The following POC5 variants were observed in gnomAD, a reference collection of about 807,000 sequenced individuals.
The protein encoded by POC5 is POC5 centriolar protein, also known as centrosomal protein POC5.
Under a neutral mutation model 62.9 loss-of-function variants are expected in POC5, and 48 were observed. The observed-to-expected ratio is 0.76, with a 90% CI of 0.61 to 0.97. POC5 has a LOEUF of 0.97. POC5 is among the 50% of genes least tolerant of loss of function. POC5 has a pLI of 0.00. For missense variants in POC5, 696 were observed against 679.5 expected (o/e 1.02, Z -0.27); for synonymous variants, 236 against 228.2 (o/e 1.03, Z -0.31).
Position 75,690,423 on chromosome 5 carries a change from C to G in POC5, c.935G>C (p.Cys312Ser). 6.2e-7 allele frequency: 1 copy of G among 1,612,086 alleles called. No homozygotes were observed. Among genetic ancestry groups the G allele is most frequent in the Non-Finnish European group, 8.5e-7 (1 of 1,179,168 alleles). Residue 312 changes from cysteine to serine, a missense_variant, in exon 8 of 12, where the codon TGT becomes TCT. Coordinates refer to ENST00000428202, the MANE Select transcript of POC5 (RefSeq NM_001099271.2). ...RACQARAEEV[C>S]IQISNDYEAK... ...TTCATAATCATTGGAAATCTGGATA[C>G]AAACTTCTTCAGCTCTTGCTTGACA...
At chr5:75,685,109 C>T (rs1431380016) in intron 10 of POC5, 98 bp downstream of exon 10, 1 of 1,283,836 alleles carries the variant, frequency 7.8e-7, no homozygotes, top group Non-Finnish European at 1.1e-6. Flanking sequence ...CCTCGTGATC[C>T]ACCTGCCTCG....
intron 9 of POC5, among the ~76,000 whole-genome samples, chr5:75,688,425 C>A (rs1776184183): frequency 6.6e-6 from 1 of 152,160 alleles, no homozygotes; most frequent in Non-Finnish European, 1.5e-5. Context: ...GCAAAGGATT[C>A]TAGTTATGGG....
At chr5:75,689,495 A>G (rs1263941386) in intron 8 of POC5, 1 of 983,438 alleles carries the variant, frequency 1.0e-6, no homozygotes, top group Non-Finnish European at 1.2e-6. Context: ...TAAACAAAAT[A>G]CATTAAGAGC....
rs146704304 is a variant in POC5, at chr5:75,713,636, A to T, written c.-14-685T>A. Among the ~76,000 whole-genome samples, 33 of 152,340 alleles carry T rather than the reference A, an allele frequency of 2.2e-4. No individual in the cohort carries two copies. The East Asian group carries it at 6.0e-3, about 28-fold the overall frequency. On this transcript the variant is annotated intron_variant, in intron 1 of 11. Coordinates refer to ENST00000428202, the MANE Select transcript of POC5 (RefSeq NM_001099271.2). Reference sequence around the variant, plus strand: ...GAATAAACTGCTGATAGGCCCTAAAATAACAGATACAAAGTAGAGAGATAG... The same window carrying T: ...GAATAAACTGCTGATAGGCCCTAAATTAACAGATACAAAGTAGAGAGATAG...
intron 5 of POC5, among the ~76,000 whole-genome samples, chr5:75,700,660 C>G (rs1222222337): frequency 1.3e-5 from 2 of 149,512 alleles, no homozygotes; most frequent in African/African-American, 4.9e-5. Context: ...CAGGCATGGG[C>G]AAGGACTTCA....
chr5:75,715,579 C>T (rs1777524217), intron 1 of POC5, among the ~76,000 whole-genome samples: 1 of 152,156 alleles, frequency 6.6e-6, no homozygotes, highest in Non-Finnish European at 1.5e-5. Flanking sequence ...AATCCAATCA[C>T]TTCCCTTCCC....
rs1776376618 is a variant in POC5 at position 75,692,415 on chromosome 5, T to C, written c.776A>G (p.His259Arg). ...MRTFFHWRIG[H>R]VRARQDVYEG... ...ACTTACATCCTGTCTGGCTCTGACATGGCCGATTCGCCAGTGGAAGAATGT... is the reference window on the plus strand; with the variant it reads ...ACTTACATCCTGTCTGGCTCTGACACGGCCGATTCGCCAGTGGAAGAATGT... Residue 259 changes from histidine to arginine, a missense_variant, in exon 7 of 12, where the codon CAT becomes CGT. Coordinates refer to ENST00000428202, the MANE Select transcript of POC5 (RefSeq NM_001099271.2). 1.9e-6 allele frequency: 3 copies of C among 1,593,882 alleles called. No homozygotes were observed. The highest frequency in any genetic ancestry group is 2.6e-6 in the Non-Finnish European group (3 of 1,169,584).
At chr5:75,699,123 G>A (rs963497499) in intron 5 of POC5, among the ~76,000 whole-genome samples, 1 of 152,184 alleles carries the variant, frequency 6.6e-6, no homozygotes, top group South Asian at 2.1e-4. Context: ...ATTCACAGCT[G>A]AATTCTACCA....
At chr5:75,712,486 T>C in intron 2 of POC5, 1 of 1,548,122 alleles carries the variant, frequency 6.5e-7, no homozygotes, top group Non-Finnish European at 8.9e-7. Context: ...TCTTGAGCTC[T>C]AGAACTTTGG....
Position 75,689,025 on chromosome 5 carries a change from G to T in POC5, c.1116C>A (p.Asn372Lys). The change falls in exon 9 of 12, where the codon AAC becomes AAA. Residue 372 changes from asparagine (N) to lysine (K), a missense_variant. Asn to Lys is a moderately conservative substitution (Grantham distance 94, BLOSUM62 0). Transcript: ENST00000428202. ...TGAAATACTAACCTGCATCATTTCT[G>T]TTTTGAAATATAGTCATGGCTTCAA... is the stretch of plus-strand genomic sequence containing the variant. ...LNLEAMTIFQ[N>K]RNDAGIDSTN... The T allele has an allele frequency of 6.4e-7, 1 of 1,565,964 alleles. No homozygotes were observed. Among genetic ancestry groups the T allele is most frequent in the African/African-American group, 1.4e-5 (1 of 72,906 alleles).
intron 2 of POC5, 60 bp from the exon 3 acceptor site, chr5:75,707,935 A>G: frequency 5.7e-6 from 8 of 1,404,702 alleles, no homozygotes; most frequent in Non-Finnish European, 7.7e-6. Context: ...AATATATTCA[A>G]CTGAATTTGT....
chr5:75,693,128 A>ATAT (rs1449897985), intron 6 of POC5, among the ~76,000 whole-genome samples: 4 of 148,042 alleles, frequency 2.7e-5, no homozygotes, highest in African/African-American at 9.8e-5. Flanking sequence ...TATATATATA[A>ATAT]GTAAATATAT....
chr5:75,695,729 C>G (rs1406524105), intron 5 of POC5, among the ~76,000 whole-genome samples: 1 of 152,050 alleles, frequency 6.6e-6, no homozygotes, highest in Non-Finnish European at 1.5e-5. Context: ...CGAATAGGAA[C>G]AGCTCCAGTC....
At chr5:75,693,225 ATAT>A (rs1776419637) in intron 6 of POC5, among the ~76,000 whole-genome samples, 1 of 150,698 alleles carries the variant, frequency 6.6e-6, no homozygotes, top group African/African-American at 2.4e-5. Flanking sequence ...TTCTTCAGTG[ATAT>A]TATTACTCTT....
intron 5 of POC5, among the ~76,000 whole-genome samples, chr5:75,695,167 G>A (rs1776509905): frequency 6.6e-6 from 1 of 152,166 alleles, no homozygotes; most frequent in Non-Finnish European, 1.5e-5. Context: ...CAGGAATAAA[G>A]GGAAACACAT....
chr5:75,713,906 A>T (rs910534212), intron 1 of POC5, among the ~76,000 whole-genome samples: 1 of 152,234 alleles, frequency 6.6e-6, no homozygotes, highest in Non-Finnish European at 1.5e-5. Context: ...GGACAAAGCA[A>T]TGGGTGCAAA....
intron 1 of POC5, among the ~76,000 whole-genome samples, chr5:75,716,482 A>C (rs1009464299): frequency 2.6e-5 from 4 of 151,910 alleles, no homozygotes; most frequent in Admixed American, 6.6e-5. Flanking sequence ...ACACAAAAAA[A>C]CCCACCGCAC....
intron 1 of POC5, among the ~76,000 whole-genome samples, chr5:75,713,984 T>C (rs893016294): frequency 6.6e-6 from 1 of 152,238 alleles, no homozygotes; most frequent in Non-Finnish European, 1.5e-5. Flanking sequence ...CTTGTCATAT[T>C]AAAAATCTGG....
chr5:75,707,461 C>T (rs1777172585), intron 3 of POC5: 1 of 275,808 alleles, frequency 3.6e-6, no homozygotes, highest in East Asian at 6.6e-5. Context: ...TGAGATACAA[C>T]ATACCAAAAA....
Sources: gnomAD v4.1 joint callset for allele counts (sites outside exome capture counted in the v4.1 genomes callset) on GRCh38, gnomAD v4.1.1 for gene constraint, MANE v1.5 for transcripts, NCBI Gene and HGNC (gene_info 2026-07-23, HGNC 2026-07-21) for gene names.